The following MYO16 variants were observed in gnomAD, a reference collection of about 807,000 sequenced individuals.
The protein encoded by MYO16 is myosin XVI.
Under a neutral mutation model 205.3 loss-of-function variants are expected in MYO16, and 94 were observed. The ratio of observed to expected loss-of-function variants is 0.46; its 90% confidence interval spans 0.39 to 0.54. The LOEUF (loss-of-function observed/expected upper bound fraction) is 0.54. Ranked by LOEUF, MYO16 falls within the 20% of genes least tolerant of loss-of-function variation. MYO16 has a pLI of 0.00. For synonymous variants in MYO16, 988 were observed against 954.0 expected (o/e 1.04, Z -0.66); for missense variants, 2,315 against 2,387.5 (o/e 0.97, Z 0.63).
intron 2 of MYO16, among the ~76,000 whole-genome samples, chr13:108,692,927 A>T (rs1594213864): frequency 6.6e-6 from 1 of 152,160 alleles, no homozygotes; most frequent in Non-Finnish European, 1.5e-5. Context: ...ATCAGAAACC[A>T]TAACAATGAA....
At chr13:108,819,930 G>A (rs554734165) in intron 7 of MYO16, among the ~76,000 whole-genome samples, 1 of 152,274 alleles carries the variant, frequency 6.6e-6, no homozygotes, top group East Asian at 1.9e-4. Flanking sequence ...ACACTGTCCT[G>A]TTGTACTTTG....
At chr13:108,864,394 T>C (rs1425879640) in intron 11 of MYO16, among the ~76,000 whole-genome samples, 1 of 152,196 alleles carries the variant, frequency 6.6e-6, no homozygotes, top group Non-Finnish European at 1.5e-5. Context: ...TTTGCAGATA[T>C]ATTGTAAAAT....
At chr13:108,964,708 T>A in intron 19 of MYO16, 53 bp from the exon 20 acceptor site, 1 of 1,591,268 alleles carries the variant, frequency 6.3e-7, no homozygotes, top group South Asian at 1.1e-5. Context: ...TTGGTTGGCT[T>A]CTAAATGAGG....
Position 108,957,923 on chromosome 13 carries a change from T to G in MYO16, c.2037+124T>G. 5 of 743,516 alleles carry G rather than the reference T, an allele frequency of 6.7e-6. No individual in the cohort carries two copies. In the South Asian group the frequency reaches 8.5e-5, roughly 13 times the overall value. 46.1% of individuals were successfully genotyped at this position (743,516 alleles called of 1,614,324 possible). A position where few individuals can be genotyped will look rare whatever the true frequency, so the allele number is the denominator to read the frequency against. ...CAGATGTTGCCGAGGACACTGATGA[T>G]TCGGCAGACAACAAGCCCCAATCCC... is the stretch of plus-strand genomic sequence containing the variant. On this transcript the variant is annotated intron_variant, in intron 17 of 34. Transcript: ENST00000457511.
In MYO16 at chr13:109,107,115, A is replaced by G. The variant is rs191941226; in HGVS notation, c.3438+6228A>G. Among the ~76,000 whole-genome samples the G allele has an allele frequency of 6.6e-3, 1,003 of 152,320 alleles. 7 individuals carry two copies. The highest frequency in any genetic ancestry group is 9.5e-3 in the Non-Finnish European group (645 of 68,018). ...ACGATACTTACTCTAGTGTGTGTGCATGCGTGTATGTAAAAGAGACAGAGA... is the reference window on the plus strand; with the variant it reads ...ACGATACTTACTCTAGTGTGTGTGCGTGCGTGTATGTAAAAGAGACAGAGA... On this transcript the variant is annotated intron_variant, in intron 28 of 34. Transcript: ENST00000457511.
At chr13:108,554,212 T>G in the MYO16 span, among the ~76,000 whole-genome samples, 863 of 152,034 alleles carry the variant, frequency 5.7e-3, 13 homozygotes, top group African/African-American at 0.019. Context: ...GAAATTTTTC[T>G]AGTCTGAATT....
Position 108,910,027 on chromosome 13 carries a change from A to G in MYO16, c.1802A>G (p.Glu601Gly), listed in dbSNP as rs1424356152. ...GCCAGAATTTATACATATTTGCTAG[A>G]GAAATCCAGACTTGTTTCACAACCT... ...TGARIYTYLL[E>G]KSRLVSQPLG... The change falls in exon 16 of 35, where the codon GAG (glutamate) becomes GGG (glycine). Residue 601 changes from glutamate (E) to glycine (G), a missense_variant. Glu to Gly is a moderately conservative substitution (Grantham distance 98). Around this residue, in one of 3 missense-constraint regions of MYO16, gnomAD observed 1,213 missense variants for 1,274.4 expected, o/e 0.95. Coordinates refer to ENST00000457511, the MANE Select transcript of MYO16 (RefSeq NM_001198950.3). 1 of 1,613,250 alleles carries G rather than the reference A, an allele frequency of 6.2e-7. No individual in the cohort carries two copies. The highest frequency in any genetic ancestry group is 8.5e-7 in the Non-Finnish European group (1 of 1,179,584).
intron 2 of MYO16, among the ~76,000 whole-genome samples, chr13:108,708,064 G>A (rs1883582137): frequency 6.6e-6 from 1 of 152,080 alleles, no homozygotes; most frequent in African/African-American, 2.4e-5. Context: ...AGAGGGTGAG[G>A]GGGTGATAAT....
the MYO16 span, among the ~76,000 whole-genome samples, chr13:108,541,349 A>C: frequency 6.6e-6 from 1 of 151,120 alleles, no homozygotes; most frequent in African/African-American, 2.4e-5. Flanking sequence ...ATATATGTAT[A>C]ATTATGCATC....
chr13:108,590,287 C>A, the MYO16 span, among the ~76,000 whole-genome samples: 1 of 152,132 alleles, frequency 6.6e-6, no homozygotes, highest in Admixed American at 6.6e-5. Flanking sequence ...CCTTGGTATG[C>A]ACTATAATTG....
rs1880515774 is a variant in MYO16, at chr13:108,898,064, G to C, written c.1708G>C (p.Asp570His). Reference protein sequence around the residue: ...AFGHAKTTLNDLSSCFIKYFE... With the variant: ...AFGHAKTTLNHLSSCFIKYFE... The stretch of plus-strand genomic sequence containing the variant: ...TGGACATGCCAAGACCACACTTAAT[G>C]ATTTGTCCAGTTGCTTCATCAAGTA... Residue 570 changes from aspartate (D) to histidine (H), a missense_variant, in exon 15 of 35, where the codon GAT (aspartate) becomes CAT (histidine). Around this residue, in one of 3 missense-constraint regions of MYO16, gnomAD observed 1,213 missense variants for 1,274.4 expected, o/e 0.95. Transcript: ENST00000457511. 1.2e-6 allele frequency: 2 copies of C among 1,614,092 alleles called. No individual in the cohort carries two copies. The highest frequency in any genetic ancestry group is 1.7e-6 in the Non-Finnish European group (2 of 1,179,970).
rs75098584 is a variant in MYO16, at chr13:109,027,507, G to A, written c.2796+7596G>A. ...GACATTCCTAATGTGTTTATTGTCT[G>A]TACTCATAGAATTCATGTGGCATAG... On this transcript the variant is annotated intron_variant, in intron 23 of 34. Transcript: ENST00000457511. Among the ~76,000 whole-genome samples, 606 of 152,188 alleles carry A rather than the reference G, an allele frequency of 4.0e-3. 5 individuals are homozygous for A. Among genetic ancestry groups the A allele is most frequent in the African/African-American group, 0.014 (573 of 41,532 alleles).
the MYO16 span, among the ~76,000 whole-genome samples, chr13:108,589,682 C>A: frequency 3.3e-5 from 5 of 152,088 alleles, no homozygotes; most frequent in African/African-American, 1.2e-4. Context: ...TGTCTTCTCT[C>A]TCTCCCTCTC....
chr13:108,677,358 TATATATATATATATGC>T (rs1473858194), intron 2 of MYO16, among the ~76,000 whole-genome samples: 1 of 127,276 alleles, frequency 7.9e-6, no homozygotes, highest in Non-Finnish European at 1.7e-5. Context: ...TATATATGCA[TATATATATATATATGC>T]ATATATATAT....
At chr13:109,158,544 C>T (rs949033793) in intron 32 of MYO16, among the ~76,000 whole-genome samples, 18 of 152,094 alleles carry the variant, frequency 1.2e-4, no homozygotes, top group Admixed American at 4.6e-4. Flanking sequence ...CAAGGTGAGC[C>T]GGAGGTGACG....
chr13:109,067,863 G>T (rs1887801870), intron 27 of MYO16, among the ~76,000 whole-genome samples: 1 of 152,064 alleles, frequency 6.6e-6, no homozygotes, highest in Admixed American at 6.6e-5. Flanking sequence ...AATAAGAAAA[G>T]CGATGTCTAC....
intron 1 of MYO16, among the ~76,000 whole-genome samples, chr13:108,654,012 T>C (rs921128340): frequency 6.6e-6 from 1 of 152,060 alleles, no homozygotes; most frequent in Non-Finnish European, 1.5e-5. Flanking sequence ...AGGGTACAAG[T>C]CACAGCATGG....
chr13:109,049,572 T>C (rs904571934), intron 24 of MYO16, among the ~76,000 whole-genome samples: 12 of 127,640 alleles, frequency 9.4e-5, no homozygotes, highest in African/African-American at 3.4e-4. Context: ...AATCTTTTAT[T>C]TTTCTTTTTA....
chr13:109,164,831 C>T, intron 32 of MYO16, 70 bp from the exon 33 acceptor site: 2 of 749,122 alleles, frequency 2.7e-6, no homozygotes, highest in African/African-American at 1.9e-5. Flanking sequence ...TTATTTTCTC[C>T]AAATGTTTTA....
Sources: gnomAD v4.1 joint callset for allele counts (sites outside exome capture counted in the v4.1 genomes callset) on GRCh38, gnomAD v4.1.1 for gene constraint, gnomAD v4.1.1 regional missense constraint, MANE v1.5 for transcripts, NCBI Gene and HGNC (gene_info 2026-07-23, HGNC 2026-07-21) for gene names.